Variants in TSPAN9 observed in about 807,000 individuals in gnomAD.
TSPAN9 encodes the protein tetraspanin 9.
TSPAN9 carries 16 observed loss-of-function variants against 31.0 expected under a neutral mutation model. That is an observed-to-expected ratio of 0.52 (90% CI 0.35 to 0.78). The LOEUF is 0.78. TSPAN9 is among the 30% of genes least tolerant of loss of function. The probability of loss-of-function intolerance (pLI) is 0.01; values close to 1 mark genes in which losing one functional copy is unlikely to be tolerated. For missense variants in TSPAN9, 272 were observed against 312.5 expected (o/e 0.87, Z 0.98); for synonymous variants, 145 against 121.6 (o/e 1.19, Z -1.27).
At chr12:3,115,748 A>G (rs1224991853) in intron 2 of TSPAN9, among the ~76,000 whole-genome samples, 1 of 152,196 alleles carries the variant, frequency 6.6e-6, no homozygotes, top group East Asian at 1.9e-4. Context: ...CCACCTGCTA[A>G]TACCATCACC....
chr12:3,148,061 G>A (rs1006011539), intron 2 of TSPAN9, among the ~76,000 whole-genome samples: 1 of 152,110 alleles, frequency 6.6e-6, no homozygotes, highest in Non-Finnish European at 1.5e-5. Flanking sequence ...CGCAAAACTA[G>A]GGAAGGAATT....
intron 2 of TSPAN9, among the ~76,000 whole-genome samples, chr12:3,145,868 C>T (rs1392246620): frequency 2.0e-5 from 3 of 152,208 alleles, no homozygotes; most frequent in South Asian, 2.1e-4. Flanking sequence ...TGCAGTGTTC[C>T]GAAATCACCT....
intron 2 of TSPAN9, among the ~76,000 whole-genome samples, chr12:3,163,879 G>A (rs1175013843): frequency 6.6e-6 from 1 of 152,206 alleles, no homozygotes; most frequent in Non-Finnish European, 1.5e-5. Context: ...GTGGATATTA[G>A]AGACTCACCT....
intron 3 of TSPAN9, among the ~76,000 whole-genome samples, chr12:3,228,935 A>G (rs983705883): frequency 6.6e-6 from 1 of 152,158 alleles, no homozygotes; most frequent in African/African-American, 2.4e-5. Context: ...TTGTGGCTGC[A>G]TCACTGCAAT....
intron 2 of TSPAN9, 111 bp from the exon 3 acceptor site, chr12:3,201,066 C>G: frequency 1.9e-6 from 2 of 1,050,944 alleles, no homozygotes; most frequent in East Asian, 2.5e-5. Flanking sequence ...ACCGCGGGCT[C>G]CCGGGGCCAG....
At chr12:3,227,360 G>A (rs929951075) in intron 3 of TSPAN9, among the ~76,000 whole-genome samples, 5 of 152,166 alleles carry the variant, frequency 3.3e-5, no homozygotes, top group Admixed American at 6.5e-5. Flanking sequence ...GCTTTGGAGA[G>A]CAGCTTTAAC....
intron 2 of TSPAN9, among the ~76,000 whole-genome samples, chr12:3,194,878 C>T (rs1246859431): frequency 1.3e-5 from 2 of 152,246 alleles, no homozygotes; most frequent in African/African-American, 2.4e-5. Context: ...TGTGGGCCCC[C>T]TGCTAGGGAT....
intron 3 of TSPAN9, among the ~76,000 whole-genome samples, chr12:3,245,288 G>A (rs74605456): frequency 1.3e-5 from 2 of 152,336 alleles, no homozygotes; most frequent in Non-Finnish European, 2.9e-5. Context: ...TCTGGCTCTC[G>A]GGCCTTGGCC....
intron 3 of TSPAN9, among the ~76,000 whole-genome samples, chr12:3,256,624 G>T (rs1239013212): frequency 2.6e-5 from 4 of 152,224 alleles, no homozygotes; most frequent in Non-Finnish European, 4.4e-5. Context: ...CATTTCTTGA[G>T]CTGGGTGCTA....
intron 3 of TSPAN9, among the ~76,000 whole-genome samples, chr12:3,275,012 C>A (rs1047599270): frequency 6.6e-6 from 1 of 152,206 alleles, no homozygotes; most frequent in African/African-American, 2.4e-5. Flanking sequence ...GGAAAGGAAG[C>A]AGATTTGGGG....
intron 4 of TSPAN9, 75 bp from the exon 5 acceptor site, chr12:3,278,917 C>G: frequency 6.6e-7 from 1 of 1,509,602 alleles, no homozygotes. Context: ...CGCCGCCTGT[C>G]CCTGCCTTCC....
Position 3,220,504 on chromosome 12 carries a change from C to T in TSPAN9, c.63+19248C>T, listed in dbSNP as rs948723231. On this transcript the variant is annotated intron_variant, in intron 3 of 8. Transcript: ENST00000011898. ...CACAGCATAGCTCACAAATATTGGC[C>T]GAGATGCTTCTTTGGAGCAGGCAGA... Among the ~76,000 whole-genome samples, 11 of 152,308 alleles carry T rather than the reference C, an allele frequency of 7.2e-5. No homozygotes were observed. The East Asian group carries it at 9.7e-4, about 13-fold the overall frequency.
At chr12:3,146,255 G>C (rs11062530) in intron 2 of TSPAN9, among the ~76,000 whole-genome samples, 8,557 of 152,292 alleles carry the variant, frequency 0.056, 296 homozygotes, top group African/African-American at 0.09. Flanking sequence ...GCTGGGATGC[G>C]AGGTCAGGGG....
chr12:3,109,111 A>G (rs567739708), intron 2 of TSPAN9, among the ~76,000 whole-genome samples: 18 of 151,726 alleles, frequency 1.2e-4, no homozygotes, highest in African/African-American at 3.9e-4. Flanking sequence ...AATTTTTTGC[A>G]TTTTTAGTAG....
intron 3 of TSPAN9, among the ~76,000 whole-genome samples, chr12:3,268,948 T>C (rs1862608311): frequency 9.3e-6 from 1 of 107,802 alleles, no homozygotes; most frequent in African/African-American, 4.2e-5. Flanking sequence ...CTCTCTGTGT[T>C]CCTGCAGCCT....
At chr12:3,141,953 G>A (rs996725952) in intron 2 of TSPAN9, among the ~76,000 whole-genome samples, 2 of 152,206 alleles carry the variant, frequency 1.3e-5, no homozygotes, top group Admixed American at 6.5e-5. Flanking sequence ...GTGCCCGGAA[G>A]CCGACTTCCT....
At chr12:3,268,370 C>A (rs1201487168) in intron 3 of TSPAN9, among the ~76,000 whole-genome samples, 345 of 105,508 alleles carry the variant, frequency 3.3e-3, no homozygotes, top group African/African-American at 0.012. Flanking sequence ...CCTGCCCTCT[C>A]TGTGTTCCTG....
At chr12:3,253,321 A>G (rs1291238132) in intron 3 of TSPAN9, among the ~76,000 whole-genome samples, 2 of 152,222 alleles carry the variant, frequency 1.3e-5, no homozygotes, top group African/African-American at 4.8e-5. Flanking sequence ...AGTAATAACA[A>G]TCACTCATGA....
intron 3 of TSPAN9, among the ~76,000 whole-genome samples, chr12:3,209,992 C>A (rs1483958314): frequency 1.7e-5 from 2 of 120,962 alleles, no homozygotes; most frequent in Admixed American, 9.9e-5. Flanking sequence ...AAAAATTAGC[C>A]GGGTGTGGTG....
Sources: allele counts gnomAD v4.1 joint callset (sites outside exome capture counted in the v4.1 genomes callset), GRCh38; gene constraint gnomAD v4.1.1; transcripts MANE v1.5; gene names NCBI Gene and HGNC (gene_info 2026-07-23, HGNC 2026-07-21).